Variants in SPATA9 observed in about 807,000 individuals in gnomAD.
SPATA9 encodes spermatogenesis associated 9.
A neutral mutation model predicts 25.5 loss-of-function variants in SPATA9; 27 were observed. That is an observed-to-expected ratio of 1.06 (90% CI 0.78 to 1.46). SPATA9 has a LOEUF of 1.46. Ranked by LOEUF, SPATA9 falls within the 40% of genes most tolerant of loss-of-function variation. The pLI, the probability that SPATA9 is intolerant of heterozygous loss-of-function variation, is 0.00. For synonymous variants in SPATA9, 102 were observed against 105.7 expected (o/e 0.97, Z 0.21); for missense variants, 282 against 297.5 (o/e 0.95, Z 0.38).
At chr5:95,686,576 A>G (rs1458041701), upstream of SPATA9, among the ~76,000 whole-genome samples, 1 of 152,244 alleles carries the variant, frequency 6.6e-6, no homozygotes, top group East Asian at 1.9e-4. Flanking sequence ...AGTTTTATAT[A>G]AATCAATCGA....
the SPATA9 span, among the ~76,000 whole-genome samples, chr5:95,708,105 T>C: frequency 0.23 from 34,619 of 152,102 alleles, 4,196 homozygotes; most frequent in East Asian, 0.5. Context: ...GGGGTTCCAG[T>C]TGAACATGTT....
chr5:95,659,155 A>G (rs538357858), intron 4 of SPATA9: 148 of 378,510 alleles, frequency 3.9e-4, no homozygotes, highest in African/African-American at 2.8e-3. Context: ...TATGTTTTAC[A>G]TCTTTTCCCC....
the SPATA9 span, chr5:95,731,908 G>A: frequency 2.5e-6 from 4 of 1,613,986 alleles, no homozygotes; most frequent in East Asian, 2.2e-5. Flanking sequence ...ATTCCACCAG[G>A]ACAACCGGCC....
intron 1 of SPATA9, among the ~76,000 whole-genome samples, chr5:95,691,683 ATTATT>A (rs1231287321): frequency 2.6e-5 from 4 of 152,156 alleles, no homozygotes; most frequent in African/African-American, 9.7e-5. Context: ...GTTAATGCCA[ATTATT>A]TTATTCTCCT....
chr5:95,666,735 GCAT>G (rs34990478), intron 3 of SPATA9, among the ~76,000 whole-genome samples: 59,669 of 151,772 alleles, frequency 0.39, 11,792 homozygotes, highest in Middle Eastern at 0.5. Context: ...TAAGGCAGCA[GCAT>G]CATGAGATTT....
chr5:95,677,386 C>CA (rs970628137), intron 2 of SPATA9, among the ~76,000 whole-genome samples: 1 of 152,022 alleles, frequency 6.6e-6, no homozygotes, highest in African/African-American at 2.4e-5. Flanking sequence ...TGAGAAACAT[C>CA]AAAAAAATAC....
chr5:95,684,549 T>A (rs1441723168), upstream of SPATA9: 1 of 152,264 alleles, frequency 6.6e-6, no homozygotes, highest in Non-Finnish European at 1.5e-5. Flanking sequence ...CATAAGCAAC[T>A]CTTTGTGTTT....
At chr5:95,652,778 G>A (rs213508), downstream of SPATA9, 108,147 of 285,708 alleles carry the variant, frequency 0.38, 21,024 homozygotes, top group African/African-American at 0.44. Context: ...TGCTACTGTT[G>A]TTATTACTTT....
chr5:95,715,469 T>C, the SPATA9 span, among the ~76,000 whole-genome samples: 2 of 152,144 alleles, frequency 1.3e-5, no homozygotes, highest in Admixed American at 1.3e-4. Context: ...ATGAAGTAGA[T>C]GACACTGCAG....
intron 3 of SPATA9, among the ~76,000 whole-genome samples, chr5:95,667,186 C>T (rs1181894530): frequency 6.6e-6 from 1 of 152,084 alleles, no homozygotes; most frequent in African/African-American, 2.4e-5. Flanking sequence ...TTCTAGTATG[C>T]TCAGTGTTCG....
At chr5:95,728,765 C>T in the SPATA9 span, among the ~76,000 whole-genome samples, 1 of 152,134 alleles carries the variant, frequency 6.6e-6, no homozygotes, top group African/African-American at 2.4e-5. Context: ...TTCTTAGCCA[C>T]AGGATGAGAT....
downstream of SPATA9, chr5:95,656,614 G>T: frequency 5.5e-6 from 1 of 180,188 alleles, no homozygotes; most frequent in Non-Finnish European, 1.1e-5. Flanking sequence ...TAAAAATTAA[G>T]GATTAGTAAG....
chr5:95,702,215 AACACAC>A (rs33913076), upstream of SPATA9, among the ~76,000 whole-genome samples: 2 of 151,192 alleles, frequency 1.3e-5, no homozygotes, highest in Admixed American at 6.6e-5. Context: ...GCAAAACCAA[AACACAC>A]ACACACACAC....
At position 95,658,639 on chromosome 5, in the gene SPATA9, A is replaced by C; in HGVS notation, c.749T>G (p.Met250Arg). 1 of 1,612,938 alleles carries C rather than the reference A, an allele frequency of 6.2e-7. No homozygotes were observed. Among genetic ancestry groups the C allele is most frequent in the Non-Finnish European group, 8.5e-7 (1 of 1,179,560 alleles). Residue 250 changes from methionine to arginine, a missense_variant, in exon 5 of 5, where the codon ATG becomes AGG. Transcript: ENST00000274432. Reference sequence around the variant, plus strand: ...TACCTGTATTCAGATTTGCTCATTCATTTCAGCTGATTGGTCAAACACAGA... The same window carrying C: ...TACCTGTATTCAGATTTGCTCATTCCTTTCAGCTGATTGGTCAAACACAGA... ...LHSVFDQSAE[M>R]NEQI
At chr5:95,726,119 G>A in the SPATA9 span, among the ~76,000 whole-genome samples, 1 of 152,152 alleles carries the variant, frequency 6.6e-6, no homozygotes, top group Non-Finnish European at 1.5e-5. Flanking sequence ...TAACCTTATA[G>A]TAAACTTCCC....
chr5:95,666,653 A>G (rs1490827840), intron 3 of SPATA9, among the ~76,000 whole-genome samples: 1 of 152,244 alleles, frequency 6.6e-6, no homozygotes, highest in Non-Finnish European at 1.5e-5. Flanking sequence ...TATAACATAC[A>G]AAAACAAGCC....
At chr5:95,731,812 G>A in the SPATA9 span, 4 of 1,600,926 alleles carry the variant, frequency 2.5e-6, no homozygotes, top group Admixed American at 3.4e-5. Flanking sequence ...AGAGACCCGC[G>A]CGCTGACCGT....
In SPATA9 at chr5:95,682,815, A is replaced by G; in HGVS notation, c.40T>C (p.Leu14=). 2 of 1,548,192 alleles carry G rather than the reference A, an allele frequency of 1.3e-6. No homozygotes were observed. Among genetic ancestry groups the G allele is most frequent in the Non-Finnish European group, 1.7e-6 (2 of 1,151,744 alleles). ...KPVGWICGQV[L]KNFSGRIEGI... ...ATACTTCTTCCAGAAAAGTTCTTCA[A>G]CACCTGCCCACATATCCACCCAACA... The change falls in exon 1 of 5, where the codon TTG becomes CTG. Residue 14 remains leucine (L), a synonymous_variant. Coordinates refer to ENST00000274432, the MANE Select transcript of SPATA9 (RefSeq NM_031952.4).
At chr5:95,728,785 G>A in the SPATA9 span, among the ~76,000 whole-genome samples, 2 of 152,196 alleles carry the variant, frequency 1.3e-5, no homozygotes, top group African/African-American at 4.8e-5. Flanking sequence ...TAGGAGGTCA[G>A]CACAGGATAC....
Sources: gnomAD v4.1 joint callset for allele counts (sites outside exome capture counted in the v4.1 genomes callset) on GRCh38, gnomAD v4.1.1 for gene constraint, MANE v1.5 for transcripts, NCBI Gene and HGNC (gene_info 2026-07-23, HGNC 2026-07-21) for gene names.